Variants in PCDH9 observed in about 807,000 individuals in gnomAD.
The protein encoded by PCDH9 is protocadherin 9, also known as protocadherin-9.
In PCDH9, 24 loss-of-function variants were observed where a neutral mutation model predicts 70.6. That is an observed-to-expected ratio of 0.34 (90% CI 0.25 to 0.48). PCDH9 has a LOEUF of 0.48. PCDH9 is among the 20% of genes least tolerant of loss of function. The pLI is 0.99. For synonymous variants in PCDH9, 562 were observed against 558.5 expected (o/e 1.01, Z -0.09); for missense variants, 1,281 against 1,503.6 (o/e 0.85, Z 2.45).
intron 4 of PCDH9, among the ~76,000 whole-genome samples, chr13:66,561,734 C>A (rs1962048404): frequency 6.6e-6 from 1 of 152,020 alleles, no homozygotes. Context: ...TTGTGTCTAG[C>A]TCAGGGATTG....
chr13:67,107,411 C>A (rs2086569426), intron 2 of PCDH9, among the ~76,000 whole-genome samples: 1 of 152,192 alleles, frequency 6.6e-6, no homozygotes, highest in Admixed American at 6.5e-5. Context: ...AAACCCTGCA[C>A]TCAGCCAGAC....
In PCDH9 at chr13:66,632,753, A is replaced by T. The variant is rs538945501; in HGVS notation, c.3139-1342T>A. Among the ~76,000 whole-genome samples, 23 of 152,232 alleles carry T rather than the reference A, an allele frequency of 1.5e-4. 1 individual carries two copies. In the South Asian group the frequency reaches 4.6e-3, roughly 30 times the overall value. The stretch of plus-strand genomic sequence containing the variant: ...TGTATGAGAGTAGTACATTTGCGCT[A>T]TTTGAATAAACCTAGTTTTCTTTCT... On this transcript the variant is annotated intron_variant, in intron 3 of 4. Coordinates refer to ENST00000377865, the MANE Select transcript of PCDH9 (RefSeq NM_203487.3).
chr13:66,964,764 A>G (rs2083404679), intron 2 of PCDH9, among the ~76,000 whole-genome samples: 1 of 152,110 alleles, frequency 6.6e-6, no homozygotes, highest in South Asian at 2.1e-4. Flanking sequence ...TAGAACAAAT[A>G]CCTATACATA....
intron 3 of PCDH9, among the ~76,000 whole-genome samples, chr13:66,816,677 C>T (rs1325604946): frequency 6.6e-6 from 1 of 152,066 alleles, no homozygotes; most frequent in Non-Finnish European, 1.5e-5. Flanking sequence ...AATCTCAGCA[C>T]TTTGGGAGGC....
intron 4 of PCDH9, among the ~76,000 whole-genome samples, chr13:66,569,053 G>T (rs2076695644): frequency 7.9e-6 from 1 of 127,240 alleles, no homozygotes; most frequent in Admixed American, 9.2e-5. Context: ...CCAGGCTAGA[G>T]ATCCGTGGCA....
chr13:66,534,345 T>G (rs1249853775), intron 4 of PCDH9, among the ~76,000 whole-genome samples: 2 of 152,158 alleles, frequency 1.3e-5, no homozygotes, highest in Non-Finnish European at 2.9e-5. Flanking sequence ...TGAAATTTAT[T>G]TCTCACAGTT....
intron 4 of PCDH9, among the ~76,000 whole-genome samples, chr13:66,403,309 T>C (rs1442348894): frequency 6.6e-6 from 1 of 151,902 alleles, no homozygotes; most frequent in Non-Finnish European, 1.5e-5. Flanking sequence ...CTTTTTTTTT[T>C]GTTTTTTGTA....
intron 2 of PCDH9, among the ~76,000 whole-genome samples, chr13:66,920,391 A>G (rs145445213): frequency 1.3e-3 from 192 of 151,246 alleles, no homozygotes; most frequent in African/African-American, 4.5e-3. Context: ...TGTAGCATTA[A>G]TCCCCTTGAA....
At chr13:66,587,449 T>C (rs1483908754) in intron 4 of PCDH9, among the ~76,000 whole-genome samples, 1 of 152,118 alleles carries the variant, frequency 6.6e-6, no homozygotes, top group Non-Finnish European at 1.5e-5. Context: ...TGAGCAATTA[T>C]ATAAGGAAAA....
At chr13:66,876,665 T>G (rs962819652) in intron 3 of PCDH9, among the ~76,000 whole-genome samples, 1 of 152,120 alleles carries the variant, frequency 6.6e-6, no homozygotes, top group Non-Finnish European at 1.5e-5. Context: ...AAGTGAATCA[T>G]GAAAATTATA....
intron 3 of PCDH9, among the ~76,000 whole-genome samples, chr13:66,835,177 C>T (rs991056274): frequency 6.6e-6 from 1 of 152,190 alleles, no homozygotes; most frequent in African/African-American, 2.4e-5. Flanking sequence ...AAACAATTTC[C>T]TCTGGCAGCT....
intron 2 of PCDH9, among the ~76,000 whole-genome samples, chr13:67,176,484 T>C (rs1261731914): frequency 6.6e-6 from 1 of 151,744 alleles, no homozygotes; most frequent in East Asian, 1.9e-4. Flanking sequence ...AAAACACTTA[T>C]TAAAGCACCC....
At chr13:66,408,147 T>C (rs912246908) in intron 4 of PCDH9, among the ~76,000 whole-genome samples, 3 of 150,674 alleles carry the variant, frequency 2.0e-5, no homozygotes, top group Non-Finnish European at 4.4e-5. Context: ...CAAGCTCCGC[T>C]TCCCGGGTTC....
intron 3 of PCDH9, among the ~76,000 whole-genome samples, chr13:66,698,039 T>C (rs2078587577): frequency 1.3e-5 from 2 of 152,190 alleles, no homozygotes; most frequent in Admixed American, 6.5e-5. Flanking sequence ...GGATAAATGC[T>C]GTGTAATTCC....
intron 3 of PCDH9, among the ~76,000 whole-genome samples, chr13:66,767,904 C>T (rs2079744341): frequency 6.6e-6 from 1 of 152,028 alleles, no homozygotes; most frequent in Admixed American, 6.6e-5. Flanking sequence ...ACTCATAAGG[C>T]TTAGTTCTAT....
chr13:66,838,430 C>G, intron 3 of PCDH9, among the ~76,000 whole-genome samples: 1 of 151,868 alleles, frequency 6.6e-6, no homozygotes, highest in East Asian at 1.9e-4. Context: ...TCTGAATTGT[C>G]TATAAATAAA....
At chr13:66,775,167 T>C (rs977967969) in intron 3 of PCDH9, among the ~76,000 whole-genome samples, 3 of 152,230 alleles carry the variant, frequency 2.0e-5, no homozygotes, top group African/African-American at 4.8e-5. Flanking sequence ...AAAAGTATCA[T>C]TTTTGAAGAA....
chr13:66,803,277 G>C (rs1304804167), intron 3 of PCDH9, among the ~76,000 whole-genome samples: 1 of 152,150 alleles, frequency 6.6e-6, no homozygotes, highest in Admixed American at 6.6e-5. Context: ...TAAATGGTCT[G>C]ATTAAAAGCT....
intron 4 of PCDH9, among the ~76,000 whole-genome samples, chr13:66,430,934 A>G (rs556557584): frequency 7.2e-5 from 11 of 152,180 alleles, no homozygotes; most frequent in African/African-American, 2.6e-4. Context: ...CAATTCATAC[A>G]TTCACAAATA....
Sources: gnomAD v4.1 joint callset for allele counts (sites outside exome capture counted in the v4.1 genomes callset) on GRCh38, gnomAD v4.1.1 for gene constraint, MANE v1.5 for transcripts, NCBI Gene and HGNC (gene_info 2026-07-23, HGNC 2026-07-21) for gene names.